LMX1B: variants seen among roughly 807,000 people sequenced by gnomAD.
The protein encoded by LMX1B is LIM homeobox transcription factor 1-beta.
LMX1B carries 12 observed loss-of-function variants against 51.4 expected under a neutral mutation model. The ratio of observed to expected loss-of-function variants is 0.23; its 90% confidence interval spans 0.15 to 0.38. The LOEUF (loss-of-function observed/expected upper bound fraction) is 0.38, where lower values mean the gene tolerates loss of function less well. Ranked by LOEUF, LMX1B falls within the 10% of genes least tolerant of loss-of-function variation. LMX1B has a pLI of 1.00. For synonymous variants in LMX1B, 237 were observed against 235.4 expected (o/e 1.01, Z -0.06); for missense variants, 445 against 571.1 (o/e 0.78, Z 2.25).
chr9:126,646,133 G>C (rs1835895605), intron 2 of LMX1B, among the ~76,000 whole-genome samples: 1 of 152,176 alleles, frequency 6.6e-6, no homozygotes, highest in Non-Finnish European at 1.5e-5. Flanking sequence ...GCAGAATATT[G>C]GGCTAAACTC....
intron 2 of LMX1B, among the ~76,000 whole-genome samples, chr9:126,686,288 A>G (rs1330558525): frequency 6.6e-6 from 1 of 151,734 alleles, no homozygotes; most frequent in Non-Finnish European, 1.5e-5. Context: ...TCAAAAAAAA[A>G]AAAAAAAAGA....
intron 2 of LMX1B, among the ~76,000 whole-genome samples, chr9:126,675,511 G>A (rs1268387398): frequency 6.6e-6 from 1 of 151,860 alleles, no homozygotes; most frequent in Non-Finnish European, 1.5e-5. Flanking sequence ...CGGATCACAA[G>A]GTCAAGAGAT....
At position 126,690,893 on chromosome 9, in the gene LMX1B, G is replaced by C; in HGVS notation, c.384G>C (p.Val128=). ...AGAAGATCGCCCCCACCGAGTTCGTGATGCGGGCGCTGGAGTGCGTGTACC... is the reference window on the plus strand; with the variant it reads ...AGAAGATCGCCCCCACCGAGTTCGTCATGCGGGCGCTGGAGTGCGTGTACC... The part of the protein sequence containing the change: ...CMEKIAPTEF[V]MRALECVYHL... The change falls in exon 3 of 8, where the codon GTG becomes GTC. Residue 128 remains valine, a synonymous_variant. Transcript: ENST00000373474. 6.2e-7 allele frequency: 1 copy of C among 1,613,922 alleles called. No homozygotes were observed. Among genetic ancestry groups the C allele is most frequent in the Non-Finnish European group, 8.5e-7 (1 of 1,179,962 alleles).
intron 2 of LMX1B, among the ~76,000 whole-genome samples, chr9:126,642,605 G>A (rs1835829476): frequency 1.3e-5 from 2 of 152,228 alleles, no homozygotes; most frequent in African/African-American, 2.4e-5. Context: ...CCCTTGTCAT[G>A]TGGCTTTGCC....
Position 126,645,908 on chromosome 9 carries a change from A to T in LMX1B, c.326+30339A>T, listed in dbSNP as rs1588277435. ...AAGCCGCTGAGGGAGGGAGGTCAGG[A>T]AAACAGCCCCACCGTGCCCCTGAGA... is the stretch of plus-strand genomic sequence containing the variant. On this transcript the variant is annotated intron_variant, in intron 2 of 7. Coordinates refer to ENST00000373474, the MANE Select transcript of LMX1B (RefSeq NM_001174147.2). Among the ~76,000 whole-genome samples the T allele has an allele frequency of 4.6e-5, 7 of 152,292 alleles. No homozygotes were observed. The South Asian group carries it at 1.2e-3, about 27-fold the overall frequency.
At chr9:126,652,224 G>A (rs1836025360) in intron 2 of LMX1B, among the ~76,000 whole-genome samples, 1 of 151,944 alleles carries the variant, frequency 6.6e-6, no homozygotes, top group South Asian at 2.1e-4. Flanking sequence ...TGATTGAGAG[G>A]GGGCGCGGCA....
At position 126,673,810 on chromosome 9, in the gene LMX1B, C is replaced by T. The variant is rs1237970587; in HGVS notation, c.327-17026C>T. Among the ~76,000 whole-genome samples, 2 of 152,078 alleles carry T rather than the reference C, an allele frequency of 1.3e-5. No individual in the cohort carries two copies. The highest frequency in any genetic ancestry group is 6.5e-5 in the Admixed American group (1 of 15,278). ...GGGGCCGGGGTGGAGGGCGCATCCC[C>T]ACGGGGAGATTGGATGGAAATGGCC... On this transcript the variant is annotated intron_variant, in intron 2 of 7. Transcript: ENST00000373474. This position sits in a 1 kb window ranked among gnomAD's most constrained non-coding sequence, Gnocchi z 4.4.
chr9:126,613,934 A>C lies in LMX1B; in HGVS notation c.-516A>C, dbSNP rs1334364014. Among the ~76,000 whole-genome samples, 2 of 146,328 alleles carry C rather than the reference A, an allele frequency of 1.4e-5. No homozygotes were observed. The highest frequency in any genetic ancestry group is 3.0e-5 in the Non-Finnish European group (2 of 65,822). On this transcript the variant is annotated 5_prime_UTR_variant, in exon 1 of 8. Coordinates refer to ENST00000373474, the MANE Select transcript of LMX1B (RefSeq NM_001174147.2). This position sits in a 1 kb window ranked among gnomAD's most constrained non-coding sequence, Gnocchi z 4.5. ...CCCGTATCCCTCCGCCGCCAGCCCC[A>C]GCTCTAAACCCGGCGGCTCAGCGGG...
chr9:126,655,832 T>C (rs1165410795), intron 2 of LMX1B, among the ~76,000 whole-genome samples: 1 of 152,256 alleles, frequency 6.6e-6, no homozygotes, highest in Non-Finnish European at 1.5e-5. Context: ...GTTTTGATCA[T>C]TGAAAGTAGT....
intron 2 of LMX1B, among the ~76,000 whole-genome samples, chr9:126,667,502 C>A (rs146512767): frequency 2.6e-5 from 4 of 152,162 alleles, no homozygotes; most frequent in Non-Finnish European, 5.9e-5. Context: ...ACACACTGGG[C>A]GGTGCTGCCT....
intron 2 of LMX1B, among the ~76,000 whole-genome samples, chr9:126,652,715 A>T (rs147752753): frequency 9.2e-5 from 14 of 152,304 alleles, no homozygotes; most frequent in Non-Finnish European, 1.0e-4. Context: ...TGGCGTCCAC[A>T]TGATGGGGGT....
At chr9:126,650,201 T>A (rs141343385) in intron 2 of LMX1B, among the ~76,000 whole-genome samples, 1 of 152,306 alleles carries the variant, frequency 6.6e-6, no homozygotes, top group East Asian at 1.9e-4. Context: ...AGACTTCAGA[T>A]AAGGAGCTTC....
At chr9:126,655,932 C>G (rs1039218689) in intron 2 of LMX1B, among the ~76,000 whole-genome samples, 1 of 152,064 alleles carries the variant, frequency 6.6e-6, no homozygotes, top group Non-Finnish European at 1.5e-5. Flanking sequence ...AGACAGCTTC[C>G]AAGAGGAGGC....
At chr9:126,652,784 CA>C (rs1836046242) in intron 2 of LMX1B, among the ~76,000 whole-genome samples, 2 of 152,194 alleles carry the variant, frequency 1.3e-5, no homozygotes, top group Admixed American at 1.3e-4. Flanking sequence ...CCTGTGGGAA[CA>C]AGGGGATGGG....
At chr9:126,627,593 G>T (rs963160628) in intron 2 of LMX1B, among the ~76,000 whole-genome samples, 3 of 152,036 alleles carry the variant, frequency 2.0e-5, no homozygotes, top group African/African-American at 7.2e-5. Context: ...TTTCCCCAGA[G>T]CTGGAGCAGG....
chr9:126,672,343 C>G (rs1386343750), intron 2 of LMX1B, among the ~76,000 whole-genome samples: 2 of 152,240 alleles, frequency 1.3e-5, no homozygotes, highest in African/African-American at 4.8e-5. Context: ...CTCACAGGCT[C>G]TAGGTGAAGC....
At chr9:126,688,604 G>A (rs993395144) in intron 2 of LMX1B, among the ~76,000 whole-genome samples, 1 of 152,234 alleles carries the variant, frequency 6.6e-6, no homozygotes, top group African/African-American at 2.4e-5. Flanking sequence ...CAGCCCCTCG[G>A]GAGAGCTGGA....
At chr9:126,669,930 G>A (rs1836419223) in intron 2 of LMX1B, among the ~76,000 whole-genome samples, 1 of 152,172 alleles carries the variant, frequency 6.6e-6, no homozygotes, top group Non-Finnish European at 1.5e-5. Flanking sequence ...TAGAAGTGGA[G>A]GGGGTAGGAG....
chr9:126,672,962 C>T (rs2118949346), intron 2 of LMX1B, among the ~76,000 whole-genome samples: 1 of 152,346 alleles, frequency 6.6e-6, no homozygotes, highest in South Asian at 2.1e-4. Context: ...GAACGGTGCG[C>T]CTCTCGCCGC....
Sources: allele counts gnomAD v4.1 joint callset (sites outside exome capture counted in the v4.1 genomes callset), GRCh38; gene constraint gnomAD v4.1.1; non-coding constraint Gnocchi (gnomAD v3.1); transcripts MANE v1.5; gene names NCBI Gene and HGNC (gene_info 2026-07-23, HGNC 2026-07-21).